The following DDX4 variants were observed in gnomAD, a reference collection of about 807,000 sequenced individuals.
DDX4 encodes DEAD-box helicase 4.
A neutral mutation model predicts 100.0 loss-of-function variants in DDX4; 25 were observed. The observed-to-expected ratio is 0.25, with a 90% CI of 0.18 to 0.35. DDX4 has a LOEUF of 0.35. Ranked by LOEUF, DDX4 falls within the 10% of genes least tolerant of loss-of-function variation. DDX4 has a pLI of 1.00. For synonymous variants in DDX4, 259 were observed against 275.7 expected (o/e 0.94, Z 0.60); for missense variants, 635 against 882.4 (o/e 0.72, Z 3.55).
chr5:55,796,823 CTTTTTTTTTTTTTTTTTTTTTTTT>C (rs3990072), intron 17 of DDX4, among the ~76,000 whole-genome samples: 2 of 59,936 alleles, frequency 3.3e-5, no homozygotes, highest in Admixed American at 2.0e-4. Context: ...TTCTTTCTTT[CTTTTTTTTTTTTTTTTTTTTTTTT>C]TTTTTTTTTT....
intron 3 of DDX4, 68 bp downstream of exon 3, chr5:55,746,289 G>A (rs2111603819): frequency 7.2e-7 from 1 of 1,392,200 alleles, no homozygotes; most frequent in Non-Finnish European, 1.0e-6. Context: ...ATGAAGAGCA[G>A]CAGACTAGTA....
intron 14 of DDX4, 32 bp from the exon 15 acceptor site, chr5:55,787,814 T>A: frequency 6.2e-7 from 1 of 1,606,186 alleles, no homozygotes; most frequent in Non-Finnish European, 8.5e-7. Context: ...TGTTGTGCTA[T>A]AAGTTTGTAA....
At chr5:55,793,915 C>T (rs1212141841) in intron 17 of DDX4, among the ~76,000 whole-genome samples, 1 of 152,162 alleles carries the variant, frequency 6.6e-6, no homozygotes, top group African/African-American at 2.4e-5. Context: ...GTCCCAACAC[C>T]TCTTTTGCTT....
chr5:55,774,203 G>A (rs909658852), intron 7 of DDX4, among the ~76,000 whole-genome samples: 5 of 151,250 alleles, frequency 3.3e-5, no homozygotes, highest in African/African-American at 1.2e-4. Context: ...AGACTCTGGG[G>A]TGCAGTGGCA....
chr5:55,749,756 G>A (rs1344181518), intron 3 of DDX4, among the ~76,000 whole-genome samples: 3 of 149,662 alleles, frequency 2.0e-5, no homozygotes, highest in Admixed American at 2.0e-4. Context: ...GAAGTTTTAG[G>A]GATTTTTTGC....
chr5:55,811,487 A>G (rs1358312705), intron 18 of DDX4, among the ~76,000 whole-genome samples: 1 of 152,174 alleles, frequency 6.6e-6, no homozygotes, highest in Non-Finnish European at 1.5e-5. Context: ...AATATGGTAA[A>G]TATCAAAACA....
intron 21 of DDX4, 23 bp from the exon 22 acceptor site, chr5:55,816,440 T>C (rs1580619850): frequency 1.9e-6 from 3 of 1,561,130 alleles, no homozygotes; most frequent in Non-Finnish European, 2.6e-6. Flanking sequence ...GTTTCTTTTT[T>C]TTTTTTTTTA....
intron 3 of DDX4, among the ~76,000 whole-genome samples, chr5:55,758,850 G>A (rs3843458): frequency 0.44 from 55,809 of 126,700 alleles, 12,656 homozygotes; most frequent in African/African-American, 0.62. Flanking sequence ...TTGAGCTGCT[G>A]TATTACGTTT....
intron 9 of DDX4, among the ~76,000 whole-genome samples, chr5:55,781,580 C>A (rs985917005): frequency 9.2e-5 from 14 of 152,026 alleles, no homozygotes; most frequent in African/African-American, 3.4e-4. Flanking sequence ...AGTTCGACAC[C>A]AGCGTGGCCA....
intron 16 of DDX4, among the ~76,000 whole-genome samples, chr5:55,791,304 G>T (rs1561506319): frequency 6.6e-6 from 1 of 151,944 alleles, no homozygotes; most frequent in Non-Finnish European, 1.5e-5. Context: ...CTCTTTAAAG[G>T]GTGCTTCTGA....
intron 10 of DDX4, among the ~76,000 whole-genome samples, chr5:55,783,969 C>T (rs1742089294): frequency 6.6e-6 from 1 of 151,914 alleles, no homozygotes; most frequent in East Asian, 1.9e-4. Flanking sequence ...AGGTATTTCT[C>T]CTAATGGTAT....
At chr5:55,795,433 G>A (rs1230381402) in intron 17 of DDX4, among the ~76,000 whole-genome samples, 1 of 152,052 alleles carries the variant, frequency 6.6e-6, no homozygotes, top group Non-Finnish European at 1.5e-5. Flanking sequence ...TGTTTGAATC[G>A]TGGTGATTCT....
chr5:55,793,622 G>A (rs929534625), intron 17 of DDX4, among the ~76,000 whole-genome samples: 5 of 152,196 alleles, frequency 3.3e-5, no homozygotes, highest in Admixed American at 2.6e-4. Flanking sequence ...AGAAGGGATG[G>A]GAAGCATAGA....
chr5:55,741,945 G>A (rs575701402), intron 2 of DDX4: 65 of 277,728 alleles, frequency 2.3e-4, no homozygotes, highest in South Asian at 2.1e-3. Flanking sequence ...CTTTTATAGC[G>A]GCTTTATCTG....
chr5:55,774,158 T>G (rs556382940), intron 7 of DDX4, among the ~76,000 whole-genome samples: 146 of 151,976 alleles, frequency 9.6e-4, no homozygotes, highest in African/African-American at 3.1e-3. Context: ...ATTTTTTTTT[T>G]TTTGTTTTTG....
At chr5:55,805,355 A>G (rs960491540) in intron 18 of DDX4, among the ~76,000 whole-genome samples, 1 of 151,420 alleles carries the variant, frequency 6.6e-6, no homozygotes, top group Non-Finnish European at 1.5e-5. Flanking sequence ...AACTTCCAAC[A>G]CTATGTTGAA....
rs1028498870 is a variant in DDX4 at position 55,739,329 on chromosome 5, A to C, written c.69+297A>C. On this transcript the variant is annotated intron_variant, in intron 2 of 21. Transcript: ENST00000505374. The stretch of plus-strand genomic sequence containing the variant: ...AACTTGGGCAAATGTGGTTGATATC[A>C]GTGAAAGACGCTTGTATGGAAAATT... Among the ~76,000 whole-genome samples, 3 of 152,246 alleles carry C rather than the reference A, an allele frequency of 2.0e-5. No individual in the cohort carries two copies. In the East Asian group the frequency reaches 5.8e-4, roughly 29 times the overall value.
intron 7 of DDX4, 102 bp downstream of exon 7, chr5:55,768,042 C>A: frequency 1.8e-6 from 2 of 1,086,214 alleles, no homozygotes; most frequent in East Asian, 2.4e-5. Context: ...TCGTGAAAAC[C>A]TTTGAAGAAA....
At chr5:55,786,188 TGA>T (rs1742235273) in intron 13 of DDX4, among the ~76,000 whole-genome samples, 1 of 152,166 alleles carries the variant, frequency 6.6e-6, no homozygotes, top group Non-Finnish European at 1.5e-5. Flanking sequence ...GTGATTTTTC[TGA>T]GAGGGGGAGC....
Sources: allele counts gnomAD v4.1 joint callset (sites outside exome capture counted in the v4.1 genomes callset), GRCh38; gene constraint gnomAD v4.1.1; transcripts MANE v1.5; gene names NCBI Gene and HGNC (gene_info 2026-07-23, HGNC 2026-07-21).